ZZEF1: variants seen among roughly 807,000 people sequenced by gnomAD.
ZZEF1 encodes zinc finger ZZ-type and EF-hand domain-containing protein 1.
In ZZEF1, 157 loss-of-function variants were observed where a neutral mutation model predicts 342.8. The ratio of observed to expected loss-of-function variants is 0.46; its 90% CI spans 0.40 to 0.52. The LOEUF is 0.52. Ranked by LOEUF, ZZEF1 falls within the 20% of genes least tolerant of loss-of-function variation. The probability of loss-of-function intolerance (pLI) is 0.00; values close to 1 mark genes in which losing one functional copy is unlikely to be tolerated. For synonymous variants in ZZEF1, 1,505 were observed against 1,429.1 expected, an observed-to-expected ratio of 1.05 and a Z score of -1.20; for missense variants, 3,480 against 3,725.6, an observed-to-expected ratio of 0.93 and a Z score of 1.72.
Position 4,058,117 on chromosome 17 carries a change from A to C in ZZEF1, c.5042T>G (p.Leu1681Arg). 4 of 1,614,064 alleles carry C rather than the reference A, an allele frequency of 2.5e-6. No homozygotes were observed. Among genetic ancestry groups the C allele is most frequent in the Non-Finnish European group, 3.4e-6 (4 of 1,179,924 alleles). ...LPALSCVQTA[L>R]LHLLDMGWEP... ...CCAGCCCATATCCAAAAGATGAAGC[A>C]GGGCTGTCTGAACACAGGATAAGGC... is the stretch of plus-strand genomic sequence containing the variant. Residue 1681 changes from leucine to arginine, a missense_variant, in exon 32 of 55, where the codon CTG becomes CGG. This residue lies in a region of ZZEF1 where 1,528 missense variants were observed against 1,624.1 expected (regional missense o/e 0.94). Transcript: ENST00000381638.
rs568330433 is a variant in ZZEF1, at chr17:4,123,597, C to CA, written c.499+309dup. On this transcript the variant is annotated intron_variant, in intron 2 of 54. Transcript: ENST00000381638. The stretch of plus-strand genomic sequence containing the variant: ...GATCAATTACAATGGTAATATGTTG[C>CA]AAAAAAGAATGCAGGATGCTAAGAG... Among the ~76,000 whole-genome samples, 670 of 151,818 alleles carry CA rather than the reference C, an allele frequency of 4.4e-3. 3 individuals are homozygous for CA. The highest frequency in any genetic ancestry group is 0.01 in the Middle Eastern group (3 of 294).
At chr17:4,037,474 C>A (rs2056698530) in intron 39 of ZZEF1, among the ~76,000 whole-genome samples, 1 of 152,242 alleles carries the variant, frequency 6.6e-6, no homozygotes, top group Non-Finnish European at 1.5e-5. Flanking sequence ...AATAGGTGGC[C>A]TGTGATCTTC....
intron 29 of ZZEF1, among the ~76,000 whole-genome samples, chr17:4,063,881 C>T (rs1435559448): frequency 1.3e-5 from 2 of 152,136 alleles, no homozygotes; most frequent in Admixed American, 6.5e-5. Context: ...GCATCCACCA[C>T]TACGCCCAGC....
At chr17:4,036,807 ACACACACACACTCTCTCT>A (rs1473798724) in intron 39 of ZZEF1, among the ~76,000 whole-genome samples, 4 of 94,984 alleles carry the variant, frequency 4.2e-5, no homozygotes, top group African/African-American at 3.7e-4. Context: ...ACACACACAC[ACACACACACACTCTCTCT>A]CTCTCTCTCT....
Position 4,006,799 on chromosome 17 carries a change from G to A in ZZEF1, c.*91C>T. 2 of 1,377,250 alleles carry A rather than the reference G, an allele frequency of 1.5e-6. No individual in the cohort carries two copies. Among genetic ancestry groups the A allele is most frequent in the Non-Finnish European group, 2.0e-6 (2 of 989,418 alleles). The allele number at this position is 1,377,250 out of a possible 1,614,324, so 85.3% of individuals were successfully genotyped here. On this transcript the variant is annotated 3_prime_UTR_variant, in exon 55 of 55. Transcript: ENST00000381638. ...GTCAGCTCAAGGAGAGCTGGGCACT[G>A]GCGCTACAGGAGTTTTCCTGAATGA...
At chr17:4,042,381 C>A in intron 39 of ZZEF1, 48 bp downstream of exon 39, 1 of 1,577,454 alleles carries the variant, frequency 6.3e-7, no homozygotes, top group Non-Finnish European at 8.6e-7. Flanking sequence ...CCAAAACCTT[C>A]TTCTATGCAT....
intron 3 of ZZEF1, among the ~76,000 whole-genome samples, chr17:4,116,654 T>G (rs1269184543): frequency 2.0e-5 from 3 of 152,148 alleles, no homozygotes; most frequent in Non-Finnish European, 4.4e-5. Context: ...TGCTACAACT[T>G]CAGATAACAA....
At chr17:4,029,634 G>A (rs954033334) in intron 42 of ZZEF1, among the ~76,000 whole-genome samples, 1 of 152,104 alleles carries the variant, frequency 6.6e-6, no homozygotes, top group African/African-American at 2.4e-5. Context: ...CCAGCACTTT[G>A]GAAGGCTGAG....
intron 1 of ZZEF1, among the ~76,000 whole-genome samples, chr17:4,128,136 A>G (rs2058601916): frequency 6.6e-6 from 1 of 152,146 alleles, no homozygotes; most frequent in Non-Finnish European, 1.5e-5. Flanking sequence ...ACTTGAGGCC[A>G]GGAATTTGAG....
Position 4,013,088 on chromosome 17 carries a change from C to CAA in ZZEF1, c.8579+359_8579+360dup, listed in dbSNP as rs200757795. Among the ~76,000 whole-genome samples, 8 of 75,210 alleles carry CAA rather than the reference C, an allele frequency of 1.1e-4. No individual in the cohort carries two copies. The East Asian group carries it at 1.2e-3, about 11-fold the overall frequency. 49.3% of individuals were successfully genotyped at this position (75,210 alleles called of 152,430 possible). A position where few individuals can be genotyped will look rare whatever the true frequency, so the allele number is the denominator to read the frequency against. ...TGCGTGACAGAGTGAGACTCTGTCT[C>CAA]AAAAAAAAAAAAAAAAAATCTATAG... On this transcript the variant is annotated intron_variant, in intron 52 of 54. Coordinates refer to ENST00000381638, the MANE Select transcript of ZZEF1 (RefSeq NM_015113.4).
chr17:4,100,225 G>A lies in ZZEF1; in HGVS notation c.1672+2092C>T, dbSNP rs550202794. 2.0e-5 allele frequency among the ~76,000 whole-genome samples: 3 copies of A among 152,338 alleles called. No homozygotes were observed. In the South Asian group the frequency reaches 6.2e-4, roughly 32 times the overall value. On this transcript the variant is annotated intron_variant, in intron 9 of 54. Coordinates refer to ENST00000381638, the MANE Select transcript of ZZEF1 (RefSeq NM_015113.4). ...CCAAACCCAACAGCTCTGGCCATGA[G>A]TACTTTCCTCTTGTCTTGTCCCTTA...
chr17:4,054,333 T>C, intron 33 of ZZEF1, 138 bp from the exon 34 acceptor site: 1 of 915,042 alleles, frequency 1.1e-6, no homozygotes, highest in East Asian at 2.7e-5. Flanking sequence ...ATGAATAAGC[T>C]CCTCAGTGTC....
At chr17:4,075,030 CT>C (rs1231904343) in intron 23 of ZZEF1, 66 bp downstream of exon 23, 1 of 1,544,048 alleles carries the variant, frequency 6.5e-7, no homozygotes, top group Admixed American at 1.7e-5. Flanking sequence ...CTACTGCCCC[CT>C]GAAGGCTGAC....
rs74863280 is a variant in ZZEF1, at chr17:4,125,354, A to C, written c.355-1303T>G. Among the ~76,000 whole-genome samples the C allele has an allele frequency of 8.4e-3, 1,285 of 152,288 alleles. 16 individuals carry two copies. Among genetic ancestry groups the C allele is most frequent in the African/African-American group, 0.03 (1,227 of 41,554 alleles). ...TTATTTCTCTCCTCCATGAAATAGG[A>C]AAACAACCTACTGAGGTTTCATGAC... On this transcript the variant is annotated intron_variant, in intron 1 of 54. Coordinates refer to ENST00000381638, the MANE Select transcript of ZZEF1 (RefSeq NM_015113.4).
In ZZEF1 at chr17:4,016,433, C is replaced by T; in HGVS notation, c.8035G>A (p.Asp2679Asn). The T allele has an allele frequency of 6.2e-7, 1 of 1,613,640 alleles. No homozygotes were observed. Among genetic ancestry groups the T allele is most frequent in the South Asian group, 1.1e-5 (1 of 91,064 alleles). Reference protein sequence around the residue: ...LQKVLQGCREDMLGTMALAAC... With the variant: ...LQKVLQGCRENMLGTMALAAC... ...GCCAGGGCCATGGTCCCCAGCATGT[C>T]CTCTCGGCAGCCCTGGAGCACTTTC... The change falls in exon 49 of 55, where the codon GAC becomes AAC. Residue 2679 changes from aspartate (D) to asparagine (N), a missense_variant. Physicochemically the swap from Asp to Asn is conservative, Grantham distance 23. Coordinates refer to ENST00000381638, the MANE Select transcript of ZZEF1 (RefSeq NM_015113.4). This position sits in a 1 kb window ranked among gnomAD's most constrained non-coding sequence, Gnocchi z 4.4.
In ZZEF1 at chr17:4,056,231, T is replaced by C. The variant is rs367661791; in HGVS notation, c.5280A>G (p.Pro1760=). ...AWYEKIAQED[P]EKQRKMHMFI... is the part of the protein sequence containing the mutation. ...GAGGTCTTACTTTCCTCTGCTTCTC[T>C]GGATCTTCCTGGGCTATTTTTTCAT... Residue 1760 remains proline, a synonymous_variant, in exon 33 of 55, where the codon CCA becomes CCG. Coordinates refer to ENST00000381638, the MANE Select transcript of ZZEF1 (RefSeq NM_015113.4). 2.6e-5 allele frequency: 41 copies of C among 1,589,110 alleles called. No individual in the cohort carries two copies. The highest frequency in any genetic ancestry group is 1.7e-4 in the Middle Eastern group (1 of 6,046).
intron 37 of ZZEF1, among the ~76,000 whole-genome samples, chr17:4,047,952 G>A (rs1180648179): frequency 4.0e-5 from 6 of 151,680 alleles, no homozygotes; most frequent in African/African-American, 1.2e-4. Context: ...AAAAAAATAA[G>A]AAAAGTAATA....
In ZZEF1 at chr17:4,064,847, TC is replaced by T; in HGVS notation, c.4250-19del. The stretch of plus-strand genomic sequence containing the variant: ...CTCTTTTGCTAGATGCAAACAAGAA[TC>T]ATAATTGAAAAAAAAAAAAGTTAAA... On this transcript the variant is annotated intron_variant, in intron 28 of 54. Transcript: ENST00000381638. 2 of 1,081,444 alleles carry T rather than the reference TC, an allele frequency of 1.8e-6. No homozygotes were observed. Among genetic ancestry groups the T allele is most frequent in the South Asian group, 1.8e-5 (1 of 55,678 alleles). 67.0% of individuals were successfully genotyped at this position (1,081,444 alleles called of 1,614,324 possible). A position where few individuals can be genotyped will look rare whatever the true frequency, so the allele number is the denominator to read the frequency against.
Position 4,014,762 on chromosome 17 carries a change from G to A in ZZEF1, c.8146-247C>T, listed in dbSNP as rs1464144217. ...AGAAAGAGTGTCAGGCTGCTGTGAAGAGTGAAGAGGACAGGAGGACCCTGT... is the reference window on the plus strand; with the variant it reads ...AGAAAGAGTGTCAGGCTGCTGTGAAAAGTGAAGAGGACAGGAGGACCCTGT... On this transcript the variant is annotated intron_variant, in intron 49 of 54. Coordinates refer to ENST00000381638, the MANE Select transcript of ZZEF1 (RefSeq NM_015113.4). The surrounding 1 kb of genome is among the most constrained non-coding windows in gnomAD (Gnocchi z 4.4). Among the ~76,000 whole-genome samples, 1 of 152,164 alleles carries A rather than the reference G, an allele frequency of 6.6e-6. No individual in the cohort carries two copies. Among genetic ancestry groups the A allele is most frequent in the Non-Finnish European group, 1.5e-5 (1 of 68,014 alleles).
Sources: gnomAD v4.1 joint callset for allele counts (sites outside exome capture counted in the v4.1 genomes callset) on GRCh38, gnomAD v4.1.1 for gene constraint, gnomAD v4.1.1 regional missense constraint, Gnocchi (gnomAD v3.1) non-coding constraint, MANE v1.5 for transcripts, NCBI Gene and HGNC (gene_info 2026-07-23, HGNC 2026-07-21) for gene names.